The following ADAMTS7 variants were observed in gnomAD, a reference collection of about 807,000 sequenced individuals.
ADAMTS7 encodes ADAM metallopeptidase with thrombospondin type 1 motif 7, also known as A disintegrin and metalloproteinase with thrombospondin motifs 7.
In ADAMTS7, 89 loss-of-function variants were observed where a neutral mutation model predicts 172.6. That is an observed-to-expected ratio of 0.52 (90% CI 0.43 to 0.61). The LOEUF is 0.61. Among genes scored for constraint, ADAMTS7 ranks in the 20% least tolerant of loss-of-function variants. The pLI is 0.00. For missense variants in ADAMTS7, 1,973 were observed against 2,355.6 expected, an observed-to-expected ratio of 0.84 and a Z score of 3.36; for synonymous variants, 885 against 978.4, an observed-to-expected ratio of 0.90 and a Z score of 1.78.
rs530595453 is a variant in ADAMTS7 at position 78,773,444 on chromosome 15, C to A, written c.2011-241G>T. ...CCCTCCCTTAAAGGCATGTCATGAGCATCACATGAGACAAGAGAAGGGAAG... is the reference window on the plus strand; with the variant it reads ...CCCTCCCTTAAAGGCATGTCATGAGAATCACATGAGACAAGAGAAGGGAAG... On this transcript the variant is annotated intron_variant, in intron 13 of 23. Transcript: ENST00000388820. Among the ~76,000 whole-genome samples the A allele has an allele frequency of 2.0e-5, 3 of 152,000 alleles. No homozygotes were observed. In the South Asian group the frequency reaches 6.3e-4, roughly 32 times the overall value.
intron 1 of ADAMTS7, among the ~76,000 whole-genome samples, chr15:78,800,812 C>A (rs919791718): frequency 1.5e-4 from 23 of 152,160 alleles, no homozygotes; most frequent in Admixed American, 2.6e-4. Context: ...CTCGCTCTGT[C>A]GCCCAGGCTG....
rs114478565 is a variant in ADAMTS7, at chr15:78,786,539, T to C, written c.1322+1692A>G. 3.1e-3 allele frequency among the ~76,000 whole-genome samples: 471 copies of C among 152,326 alleles called. 2 individuals carry two copies. The highest frequency in any genetic ancestry group is 0.011 in the African/African-American group (460 of 41,576). ...CAATGACCAAGGTGCCCCATCATCC[T>C]TTCTTACCCATGTTAACACCCCTGT... On this transcript the variant is annotated intron_variant, in intron 8 of 23. Coordinates refer to ENST00000388820, the MANE Select transcript of ADAMTS7 (RefSeq NM_014272.5).
rs1269844197 is a variant in ADAMTS7, at chr15:78,777,588, G to A, written c.1323C>T (p.Asp441=). 6 of 1,603,018 alleles carry A rather than the reference G, an allele frequency of 3.7e-6. No individual in the cohort carries two copies. In the African/African-American group the frequency reaches 4.0e-5, roughly 11 times the overall value. ...CSRQYITRFL[D]RGWGLCLDDP... ...CGTCCAGGCACAGGCCCCACCCACGGCTAAAGATGGGACGGGAGGATGGAG... is the reference window on the plus strand; with the variant it reads ...CGTCCAGGCACAGGCCCCACCCACGACTAAAGATGGGACGGGAGGATGGAG... The change falls in exon 9 of 24, where the codon GAC becomes GAT. Residue 441 remains aspartate (D), a splice_region_variant and synonymous_variant. Transcript: ENST00000388820.
At chr15:78,770,669 G>C (rs2055233034) in intron 16 of ADAMTS7, 1 of 153,060 alleles carries the variant, frequency 6.5e-6, no homozygotes, top group Non-Finnish European at 1.4e-5. Flanking sequence ...GAGACTGAGA[G>C]GCATGCGGGG....
intron 4 of ADAMTS7, among the ~76,000 whole-genome samples, chr15:78,794,632 C>T (rs143557030): frequency 2.0e-5 from 3 of 152,362 alleles, no homozygotes; most frequent in Non-Finnish European, 4.4e-5. Flanking sequence ...CAGGAAGGGG[C>T]CAGGCCCTGG....
At chr15:78,762,012 G>A in intron 23 of ADAMTS7, 1 of 985,454 alleles carries the variant, frequency 1.0e-6, no homozygotes, top group Non-Finnish European at 1.2e-6. Flanking sequence ...CAGGGCTGGG[G>A]ACAGGGACTC....
intron 11 of ADAMTS7, 56 bp downstream of exon 11, chr15:78,776,132 G>A: frequency 6.5e-7 from 1 of 1,548,594 alleles, no homozygotes. Context: ...GCAATCGGCT[G>A]ACTGTTTGGG....
At chr15:78,772,356 C>T (rs1484153110) in intron 14 of ADAMTS7, among the ~76,000 whole-genome samples, 2 of 152,210 alleles carry the variant, frequency 1.3e-5, no homozygotes, top group African/African-American at 2.4e-5. Flanking sequence ...CATCCTGCTG[C>T]GGTATGAGCA....
intron 11 of ADAMTS7, 32 bp downstream of exon 11, chr15:78,776,156 C>G (rs1167611501): frequency 6.3e-7 from 1 of 1,586,534 alleles, no homozygotes; most frequent in South Asian, 1.1e-5. Flanking sequence ...CTCTGTCCCA[C>G]TGCCCAAGGG....
rs779106084 is a variant in ADAMTS7 at position 78,800,340 on chromosome 15, G to A, written c.308C>T (p.Ala103Val). The A allele has an allele frequency of 3.7e-6, 6 of 1,602,026 alleles. No individual in the cohort carries two copies. Among genetic ancestry groups the A allele is most frequent in the South Asian group, 1.1e-5 (1 of 90,338 alleles). The change falls in exon 2 of 24, where the codon GCG becomes GTG. Residue 103 changes from alanine (A) to valine (V), a missense_variant. Ala to Val is a moderately conservative substitution (Grantham distance 64, BLOSUM62 0). Coordinates refer to ENST00000388820, the MANE Select transcript of ADAMTS7 (RefSeq NM_014272.5). Reference protein sequence around the residue: ...FNLTANQHLLAPGFVSETRRR... With the variant: ...FNLTANQHLLVPGFVSETRRR... ...CCGCGTCTCGCTCACAAAGCCGGGCGCCAGCAGGTGCTGATTGGCGGTCAG... is the reference window on the plus strand; with the variant it reads ...CCGCGTCTCGCTCACAAAGCCGGGCACCAGCAGGTGCTGATTGGCGGTCAG...
At chr15:78,796,958 C>G (rs1392714433) in intron 3 of ADAMTS7, among the ~76,000 whole-genome samples, 172 bp from the exon 4 acceptor site, 1 of 152,244 alleles carries the variant, frequency 6.6e-6, no homozygotes, top group Non-Finnish European at 1.5e-5. Context: ...CTGTGTGGCT[C>G]TGCCTGGTCA....
intron 4 of ADAMTS7, among the ~76,000 whole-genome samples, chr15:78,795,062 A>C (rs2055625837): frequency 6.6e-6 from 1 of 152,230 alleles, no homozygotes; most frequent in African/African-American, 2.4e-5. Flanking sequence ...GGGGACACTC[A>C]GAAAAGTGGG....
intron 8 of ADAMTS7, among the ~76,000 whole-genome samples, chr15:78,782,891 C>T (rs28624856): frequency 0.73 from 105,480 of 144,174 alleles, 36,447 homozygotes; most frequent in East Asian, 0.88. Context: ...AGCAGAGGGC[C>T]GGGGATCACT....
chr15:78,771,153 A>G lies in ADAMTS7; in HGVS notation c.2518+9T>C. 1.3e-6 allele frequency: 2 copies of G among 1,599,030 alleles called. No individual in the cohort carries two copies. Among genetic ancestry groups the G allele is most frequent in the Non-Finnish European group, 8.5e-7 (1 of 1,172,482 alleles). ...CTGCAGGTGGGGCTGTGCCTGCCCC[A>G]CTTCTCACCTCTGCCGCAGGTGACT... On this transcript the variant is annotated intron_variant, in intron 16 of 23. Transcript: ENST00000388820. This position sits in a 1 kb window ranked among gnomAD's most constrained non-coding sequence, Gnocchi z 4.9.
chr15:78,792,851 G>GAGAA (rs2055599229), intron 4 of ADAMTS7, among the ~76,000 whole-genome samples: 1 of 152,048 alleles, frequency 6.6e-6, no homozygotes, highest in Admixed American at 6.6e-5. Context: ...AAGAGAGAGA[G>GAGAA]AGAAAGAAGA....
intron 8 of ADAMTS7, among the ~76,000 whole-genome samples, chr15:78,784,084 G>A (rs1033820497): frequency 3.3e-5 from 5 of 152,072 alleles, no homozygotes; most frequent in African/African-American, 1.2e-4. Context: ...AATAGAAACA[G>A]GTGGCTGGGC....
At position 78,763,967 on chromosome 15, in the gene ADAMTS7, C is replaced by A. The variant is rs1269880380; in HGVS notation, c.4552G>T (p.Ala1518Ser). ...AKPPAHRPCG[A>S]QPCLSWYTSS... Reference sequence around the variant, plus strand: ...GTGTACCAGCTGAGGCAGGGCTGGGCCCCGCAGGGCCGGTGCGCAGGCGGC... The same window carrying A: ...GTGTACCAGCTGAGGCAGGGCTGGGACCCGCAGGGCCGGTGCGCAGGCGGC... Residue 1518 changes from alanine to serine, a missense_variant, in exon 21 of 24, where the codon GCC (alanine) becomes TCC (serine). Ala to Ser is a moderately conservative substitution (Grantham distance 99). Coordinates refer to ENST00000388820, the MANE Select transcript of ADAMTS7 (RefSeq NM_014272.5). The A allele has an allele frequency of 1.3e-6, 2 of 1,543,938 alleles. No individual in the cohort carries two copies.
intron 4 of ADAMTS7, among the ~76,000 whole-genome samples, chr15:78,794,399 C>T (rs2141514996): frequency 6.6e-6 from 1 of 152,386 alleles, no homozygotes; most frequent in South Asian, 2.1e-4. Flanking sequence ...AGAGGCTGGC[C>T]ATATGGGTTC....
intron 8 of ADAMTS7, among the ~76,000 whole-genome samples, chr15:78,778,702 G>C (rs1156717551): frequency 1.3e-5 from 2 of 152,198 alleles, no homozygotes; most frequent in Non-Finnish European, 2.9e-5. Context: ...AGGAGATGGG[G>C]AGGCACAAAC....
Sources: gnomAD v4.1 joint callset for allele counts (sites outside exome capture counted in the v4.1 genomes callset) on GRCh38, gnomAD v4.1.1 for gene constraint, Gnocchi (gnomAD v3.1) non-coding constraint, MANE v1.5 for transcripts, NCBI Gene and HGNC (gene_info 2026-07-23, HGNC 2026-07-21) for gene names.